The following PARPBP variants were observed in gnomAD, a reference collection of about 807,000 sequenced individuals.
PARPBP encodes the protein PCNA-interacting partner.
Under a neutral mutation model 50.0 loss-of-function variants are expected in PARPBP, and 52 were observed. The observed-to-expected ratio is 1.04, with a 90% confidence interval of 0.83 to 1.31. The LOEUF (loss-of-function observed/expected upper bound fraction) is 1.31, where lower values mean the gene tolerates loss of function less well. PARPBP is among the 50% of genes most tolerant of loss of function. The pLI, the probability that PARPBP is intolerant of heterozygous loss-of-function variation, is 0.00. For synonymous variants in PARPBP, 244 were observed against 232.1 expected (o/e 1.05, Z -0.47); for missense variants, 697 against 672.0 (o/e 1.04, Z -0.41).
intron 9 of PARPBP, among the ~76,000 whole-genome samples, chr12:102,182,953 A>T (rs144574060): frequency 4.6e-5 from 7 of 152,352 alleles, no homozygotes; most frequent in African/African-American, 1.4e-4. Context: ...TTACATTTCT[A>T]TATCTTAAAC....
intron 3 of PARPBP, among the ~76,000 whole-genome samples, chr12:102,149,514 T>C (rs61936659): frequency 0.018 from 2,671 of 152,328 alleles, 40 homozygotes; most frequent in Middle Eastern, 0.027. Flanking sequence ...TACCAAGAAC[T>C]AGTAAGGAAG....
intron 2 of PARPBP, among the ~76,000 whole-genome samples, chr12:102,145,188 T>G (rs2138438544): frequency 6.6e-6 from 1 of 152,254 alleles, no homozygotes; most frequent in Non-Finnish European, 1.5e-5. Context: ...TTAGGAGTAC[T>G]TGATTTCTTT....
chr12:102,181,566 G>A (rs111608473), intron 8 of PARPBP, among the ~76,000 whole-genome samples: 378 of 152,236 alleles, frequency 2.5e-3, no homozygotes, highest in Admixed American at 4.3e-3. Context: ...TAATCTTATG[G>A]CATCACTGTC....
Position 102,196,134 on chromosome 12 carries a change from C to T in PARPBP, c.1583C>T (p.Pro528Leu), listed in dbSNP as rs1891297796. 6.2e-7 allele frequency: 1 copy of T among 1,611,652 alleles called. No individual in the cohort carries two copies. The highest frequency in any genetic ancestry group is 8.5e-7 in the Non-Finnish European group (1 of 1,178,564). ...ATTCTCTGTGATAATAGAAATGAACCACCTCAACATAAAAATGCTAAAATA... is the reference window on the plus strand; with the variant it reads ...ATTCTCTGTGATAATAGAAATGAACTACCTCAACATAAAAATGCTAAAATA... ...ENILCDNRNE[P>L]PQHKNAKIPK... The change falls in exon 11 of 11, where the codon CCA (proline) becomes CTA (leucine). Residue 528 changes from proline (P) to leucine (L), a missense_variant. Pro to Leu is a moderately conservative substitution (Grantham distance 98). Transcript: ENST00000327680.
chr12:102,164,581 T>C lies in PARPBP; in HGVS notation c.639T>C (p.Ala213=). 6.2e-7 allele frequency: 1 copy of C among 1,613,564 alleles called. No individual in the cohort carries two copies. Among genetic ancestry groups the C allele is most frequent in the Non-Finnish European group, 8.5e-7 (1 of 1,179,632 alleles). Residue 213 remains alanine, a synonymous_variant, in exon 5 of 11, where the codon GCT becomes GCC. Coordinates refer to ENST00000327680, the MANE Select transcript of PARPBP (RefSeq NM_017915.5). ...CCTTCACTGATTTGAAACATGCTGCTCGAGAGAAACAAATGTCTATCTTTT... is the reference window on the plus strand; with the variant it reads ...CCTTCACTGATTTGAAACATGCTGCCCGAGAGAAACAAATGTCTATCTTTT... ...REAFTDLKHA[A]REKQMSIFLV...
intron 8 of PARPBP, among the ~76,000 whole-genome samples, chr12:102,179,771 G>GATT (rs1889650885): frequency 1.3e-5 from 2 of 152,160 alleles, no homozygotes; most frequent in Admixed American, 1.3e-4. Flanking sequence ...CAGTTTTAAT[G>GATT]ATTAGGTCAG....
At chr12:102,141,338 G>T (rs976450100) in intron 2 of PARPBP, among the ~76,000 whole-genome samples, 1 of 151,788 alleles carries the variant, frequency 6.6e-6, no homozygotes, top group Non-Finnish European at 1.5e-5. Context: ...CATTTGCTTG[G>T]TAGATCTTCC....
chr12:102,121,444 G>A (rs540547824), intron 1 of PARPBP, among the ~76,000 whole-genome samples: 18 of 151,830 alleles, frequency 1.2e-4, no homozygotes, highest in African/African-American at 4.3e-4. Flanking sequence ...AGGTCAAAGT[G>A]AGTAGTTGTG....
At chr12:102,135,070 C>T (rs1466166657) in intron 2 of PARPBP, among the ~76,000 whole-genome samples, 3 of 152,094 alleles carry the variant, frequency 2.0e-5, no homozygotes, top group Non-Finnish European at 4.4e-5. Flanking sequence ...ATTTTACCTC[C>T]ACCCTTTTAG....
chr12:102,148,605 T>C, intron 3 of PARPBP, 142 bp downstream of exon 3: 1 of 479,512 alleles, frequency 2.1e-6, no homozygotes. Flanking sequence ...TTTAGCTACC[T>C]GAAAGCTACT....
intron 6 of PARPBP, among the ~76,000 whole-genome samples, chr12:102,168,493 T>G (rs182428244): frequency 2.7e-4 from 41 of 152,264 alleles, no homozygotes; most frequent in Non-Finnish European, 5.6e-4. Flanking sequence ...ATCTTTTTTG[T>G]GTTGATTTGT....
intron 9 of PARPBP, among the ~76,000 whole-genome samples, chr12:102,186,681 T>A (rs564759376): frequency 6.6e-6 from 1 of 152,324 alleles, no homozygotes; most frequent in East Asian, 1.9e-4. Context: ...CTTTCCAACT[T>A]GGTTTAGTGG....
chr12:102,172,171 C>T (rs1888821364), intron 6 of PARPBP, among the ~76,000 whole-genome samples: 4 of 152,192 alleles, frequency 2.6e-5, no homozygotes, highest in Admixed American at 2.6e-4. Flanking sequence ...CCCCAGGGCA[C>T]TGGTGTGATG....
chr12:102,169,456 C>T (rs532187253), intron 6 of PARPBP, among the ~76,000 whole-genome samples: 4 of 152,288 alleles, frequency 2.6e-5, no homozygotes, highest in South Asian at 2.1e-4. Flanking sequence ...CCTCCTGAAG[C>T]GATGAAGCCT....
At chr12:102,171,763 G>A (rs1002231988) in intron 6 of PARPBP, among the ~76,000 whole-genome samples, 3 of 151,950 alleles carry the variant, frequency 2.0e-5, no homozygotes, top group Admixed American at 1.3e-4. Flanking sequence ...CAGCTACTCG[G>A]GAGGCTGAGG....
chr12:102,182,217 A>G (rs1029486257), intron 8 of PARPBP, among the ~76,000 whole-genome samples: 1 of 152,178 alleles, frequency 6.6e-6, no homozygotes, highest in African/African-American at 2.4e-5. Flanking sequence ...CACAGTATTC[A>G]GATAGCCACA....
intron 2 of PARPBP, among the ~76,000 whole-genome samples, chr12:102,138,259 T>C (rs1272885417): frequency 6.6e-6 from 1 of 152,246 alleles, no homozygotes; most frequent in Non-Finnish European, 1.5e-5. Context: ...TGGCCAGTGA[T>C]GATGAGCATT....
At chr12:102,141,242 CTTCT>C (rs1214573299) in intron 2 of PARPBP, among the ~76,000 whole-genome samples, 4 of 151,832 alleles carry the variant, frequency 2.6e-5, no homozygotes, top group African/African-American at 4.8e-5. Context: ...ATGCAATGGC[CTTCT>C]TTGTCTGTTT....
chr12:102,152,363 A>G (rs1886315803), intron 3 of PARPBP, among the ~76,000 whole-genome samples: 1 of 152,190 alleles, frequency 6.6e-6, no homozygotes, highest in African/African-American at 2.4e-5. Context: ...TCTCCCTGGG[A>G]GCACCCACAT....
Sources: gnomAD v4.1 joint callset for allele counts (sites outside exome capture counted in the v4.1 genomes callset) on GRCh38, gnomAD v4.1.1 for gene constraint, MANE v1.5 for transcripts, NCBI Gene and HGNC (gene_info 2026-07-23, HGNC 2026-07-21) for gene names.